The following ABI1 variants were observed in gnomAD, a reference collection of about 807,000 sequenced individuals.
ABI1 encodes Abelson interactor 1.
In ABI1, 14 loss-of-function variants were observed where a neutral mutation model predicts 54.6. The ratio of observed to expected loss-of-function variants is 0.26; its 90% CI spans 0.17 to 0.40. The LOEUF is 0.40. Ranked by LOEUF, ABI1 falls within the 10% of genes least tolerant of loss-of-function variation. The pLI, the probability that ABI1 is intolerant of heterozygous loss-of-function variation, is 1.00. For missense variants in ABI1, 443 were observed against 598.3 expected, an observed-to-expected ratio of 0.74 and a Z score of 2.71; for synonymous variants, 194 against 209.3, an observed-to-expected ratio of 0.93 and a Z score of 0.63.
intron 1 of ABI1, among the ~76,000 whole-genome samples, chr10:26,858,446 C>T (rs928087253): frequency 3.5e-5 from 5 of 141,654 alleles, no homozygotes; most frequent in African/African-American, 7.9e-5. Context: ...CATTGCTTTG[C>T]GTGAATTCTT....
chr10:26,762,592 T>G (rs541009310), intron 7 of ABI1, among the ~76,000 whole-genome samples: 3 of 152,160 alleles, frequency 2.0e-5, no homozygotes, highest in Non-Finnish European at 2.9e-5. Flanking sequence ...AACTGATATA[T>G]CTTTAAAACA....
intron 2 of ABI1, among the ~76,000 whole-genome samples, chr10:26,782,203 T>C (rs1049239931): frequency 1.3e-5 from 2 of 152,140 alleles, no homozygotes; most frequent in African/African-American, 4.8e-5. Context: ...ATTTTTACTT[T>C]CCACATCATT....
At chr10:26,773,998 C>G (rs145831939) in intron 3 of ABI1, among the ~76,000 whole-genome samples, 1 of 152,172 alleles carries the variant, frequency 6.6e-6, no homozygotes, top group East Asian at 1.9e-4. Context: ...CACAAACACA[C>G]AGTAATCCAG....
At chr10:26,757,119 GA>G (rs1838416617) in intron 8 of ABI1, among the ~76,000 whole-genome samples, 1 of 152,028 alleles carries the variant, frequency 6.6e-6, no homozygotes, top group Non-Finnish European at 1.5e-5. Flanking sequence ...TAATGAAAAA[GA>G]AAAGCTATGC....
intron 6 of ABI1, among the ~76,000 whole-genome samples, chr10:26,768,212 T>C (rs1057184943): frequency 2.0e-5 from 3 of 152,090 alleles, no homozygotes; most frequent in African/African-American, 7.2e-5. Flanking sequence ...CCAAAAGTAT[T>C]TGAGTGGTTT....
intron 1 of ABI1, among the ~76,000 whole-genome samples, chr10:26,837,006 T>C (rs1156292337): frequency 6.6e-6 from 1 of 152,208 alleles, no homozygotes; most frequent in African/African-American, 2.4e-5. Context: ...ACTGAGGCTG[T>C]TTTCTAAACT....
chr10:26,787,993 T>A (rs1842918828), intron 2 of ABI1, among the ~76,000 whole-genome samples: 1 of 152,204 alleles, frequency 6.6e-6, no homozygotes, highest in Non-Finnish European at 1.5e-5. Context: ...TATGATAAGG[T>A]TTGGCTCTGT....
intron 2 of ABI1, among the ~76,000 whole-genome samples, chr10:26,808,030 T>G (rs2046985044): frequency 6.6e-6 from 1 of 152,116 alleles, no homozygotes. Context: ...AGGCAGAGGT[T>G]GCAGTGAGCT....
At chr10:26,816,323 T>A (rs1005115461) in intron 2 of ABI1, among the ~76,000 whole-genome samples, 3 of 152,338 alleles carry the variant, frequency 2.0e-5, no homozygotes, top group Non-Finnish European at 4.4e-5. Flanking sequence ...ATTGCTGCCA[T>A]TCAGGAGACT....
chr10:26,784,805 G>A (rs959187135), intron 2 of ABI1, among the ~76,000 whole-genome samples: 3 of 152,144 alleles, frequency 2.0e-5, no homozygotes, highest in Non-Finnish European at 2.9e-5. Flanking sequence ...CATTCAGGAC[G>A]GTCTAAAATC....
intron 1 of ABI1, among the ~76,000 whole-genome samples, chr10:26,825,717 T>C (rs2048268863): frequency 6.6e-6 from 1 of 152,188 alleles, no homozygotes; most frequent in South Asian, 2.1e-4. Context: ...GCACTACCGA[T>C]GCTTTATCAA....
rs144623506 is a variant in ABI1 at position 26,746,737 on chromosome 10, A to T, written c.*1833T>A. The T allele has an allele frequency of 1.1e-3, 538 of 474,166 alleles. 1 individual carries two copies. The highest frequency in any genetic ancestry group is 9.1e-3 in the African/African-American group (470 of 51,716). 29.4% of individuals were successfully genotyped at this position (474,166 alleles called of 1,614,324 possible). A position where few individuals can be genotyped will look rare whatever the true frequency, so the allele number is the denominator to read the frequency against. Reference sequence around the variant, plus strand: ...TTGATGGTTATATGTGGTATTGTTTACACTGTTAATATCCACATGTAAGGC... The same window carrying T: ...TTGATGGTTATATGTGGTATTGTTTTCACTGTTAATATCCACATGTAAGGC... On this transcript the variant is annotated 3_prime_UTR_variant, in exon 11 of 11. Coordinates refer to ENST00000376140, the MANE Select transcript of ABI1 (RefSeq NM_001012750.3).
In ABI1 at chr10:26,746,596, T is replaced by TTGA; in HGVS notation, c.*1971_*1973dup. The TTGA allele has an allele frequency of 1.9e-6, 2 of 1,043,868 alleles. No individual in the cohort carries two copies. The highest frequency in any genetic ancestry group is 2.9e-6 in the Non-Finnish European group (2 of 701,460). 64.7% of individuals were successfully genotyped at this position (1,043,868 alleles called of 1,614,324 possible). A position where few individuals can be genotyped will look rare whatever the true frequency, so the allele number is the denominator to read the frequency against. On this transcript the variant is annotated 3_prime_UTR_variant, in exon 11 of 11. Transcript: ENST00000376140. ...ATCATTTTAAAAGATATCAAACTTA[T>TTGA]TGATGGGCAATTTATTTTTTTTTAT...
chr10:26,759,505 G>A (rs755181944), intron 7 of ABI1, among the ~76,000 whole-genome samples: 7 of 151,892 alleles, frequency 4.6e-5, no homozygotes, highest in Non-Finnish European at 7.4e-5. Context: ...AATCCCAAAT[G>A]GTACTTTGCT....
intron 9 of ABI1, among the ~76,000 whole-genome samples, chr10:26,754,836 T>G (rs1204781021): frequency 6.6e-6 from 1 of 152,230 alleles, no homozygotes; most frequent in Non-Finnish European, 1.5e-5. Flanking sequence ...TAAGATTCAC[T>G]GTGATCATGC....
At position 26,759,060 on chromosome 10, in the gene ABI1, A is replaced by T; in HGVS notation, c.997+2T>A. ...CTGTATGCCTGCAAAGCACAAGCTT[A>T]CTTGAATTTTGAGAATAAAGTGGAC... On this transcript the variant is annotated splice_donor_variant, in intron 8 of 10. Transcript: ENST00000376140. LOFTEE classifies it high-confidence loss of function. 1 of 1,612,778 alleles carries T rather than the reference A, an allele frequency of 6.2e-7. No homozygotes were observed. Among genetic ancestry groups the T allele is most frequent in the Non-Finnish European group, 8.5e-7 (1 of 1,179,452 alleles).
intron 2 of ABI1, among the ~76,000 whole-genome samples, chr10:26,795,606 A>C (rs1403028121): frequency 6.6e-6 from 1 of 152,188 alleles, no homozygotes; most frequent in African/African-American, 2.4e-5. Context: ...TCTACACACA[A>C]TAACCCAGAT....
intron 1 of ABI1, among the ~76,000 whole-genome samples, chr10:26,838,490 G>A (rs935465871): frequency 7.9e-5 from 12 of 152,172 alleles, no homozygotes; most frequent in African/African-American, 2.7e-4. Flanking sequence ...TACGACAGTA[G>A]ACCCAATGGG....
rs140576103 is a variant in ABI1 at position 26,758,835 on chromosome 10, G to A, written c.997+227C>T. ...GGTATACTCAATATAGACACGTCTC[G>A]ATAAATTTAGTTAAGTATACTTGGT... On this transcript the variant is annotated intron_variant, in intron 8 of 10. Transcript: ENST00000376140. Among the ~76,000 whole-genome samples the A allele has an allele frequency of 1.5e-3, 223 of 152,214 alleles. 1 individual carries two copies. The highest frequency in any genetic ancestry group is 5.0e-3 in the African/African-American group (208 of 41,510).
Sources: allele counts gnomAD v4.1 joint callset (sites outside exome capture counted in the v4.1 genomes callset), GRCh38; gene constraint gnomAD v4.1.1; transcripts MANE v1.5; gene names NCBI Gene and HGNC (gene_info 2026-07-23, HGNC 2026-07-21).